TRERF1: variants seen among roughly 807,000 people sequenced by gnomAD.
TRERF1 encodes the protein transcriptional regulating factor 1.
A neutral mutation model predicts 122.9 loss-of-function variants in TRERF1; 27 were observed. That is an observed-to-expected ratio of 0.22 (90% CI 0.16 to 0.30). The LOEUF (loss-of-function observed/expected upper bound fraction) is 0.30. Ranked by LOEUF, TRERF1 falls within the 10% of genes least tolerant of loss-of-function variation. The pLI is 1.00. For missense variants in TRERF1, 1,248 were observed against 1,560.3 expected (o/e 0.80, Z 3.37); for synonymous variants, 636 against 641.7 (o/e 0.99, Z 0.13).
At chr6:42,438,150 G>A (rs1300084833) in intron 2 of TRERF1, among the ~76,000 whole-genome samples, 5 of 151,448 alleles carry the variant, frequency 3.3e-5, no homozygotes, top group African/African-American at 1.2e-4. Flanking sequence ...TCGAACTCCT[G>A]ACCTCAAGTG....
intron 4 of TRERF1, among the ~76,000 whole-genome samples, chr6:42,286,123 C>T (rs959065810): frequency 6.7e-6 from 1 of 149,110 alleles, no homozygotes; most frequent in African/African-American, 2.5e-5. Context: ...TTCCTTACAC[C>T]TTATACAAAA....
intron 4 of TRERF1, among the ~76,000 whole-genome samples, chr6:42,277,410 T>C (rs1318739531): frequency 6.6e-6 from 1 of 152,170 alleles, no homozygotes; most frequent in Non-Finnish European, 1.5e-5. Context: ...CCTTGTGACA[T>C]TCTTTGGGGT....
chr6:42,243,436 T>A, intron 14 of TRERF1, 75 bp from the exon 15 acceptor site: 1 of 1,028,674 alleles, frequency 9.7e-7, no homozygotes, highest in Non-Finnish European at 1.5e-6. Context: ...TTTGAATATT[T>A]AATTTTGTAA....
intron 2 of TRERF1, among the ~76,000 whole-genome samples, chr6:42,364,554 G>A (rs982312189): frequency 6.6e-6 from 1 of 152,230 alleles, no homozygotes; most frequent in Non-Finnish European, 1.5e-5. Context: ...AGAGAAAAGA[G>A]AGTTGCAAGA....
At chr6:42,435,174 C>A (rs1437818208) in intron 2 of TRERF1, among the ~76,000 whole-genome samples, 1 of 150,910 alleles carries the variant, frequency 6.6e-6, no homozygotes, top group Non-Finnish European at 1.5e-5. Context: ...CAAACACACA[C>A]AAAAAAAATG....
At chr6:42,290,473 A>C (rs1784106597) in intron 4 of TRERF1, among the ~76,000 whole-genome samples, 1 of 151,982 alleles carries the variant, frequency 6.6e-6, no homozygotes, top group Non-Finnish European at 1.5e-5. Context: ...AATCACTCTA[A>C]ATCATCCAAG....
intron 2 of TRERF1, among the ~76,000 whole-genome samples, chr6:42,372,434 G>C (rs1388712266): frequency 1.3e-5 from 2 of 152,106 alleles, no homozygotes; most frequent in Non-Finnish European, 2.9e-5. Flanking sequence ...CCTCAGAGTG[G>C]CAATGGCTTC....
exon 14 of TRERF1, chr6:42,246,535 T>C (rs1323184179): frequency 6.2e-7 from 1 of 1,602,150 alleles, no homozygotes; most frequent in Non-Finnish European, 8.5e-7. Context: ...GGAGGTCCAC[T>C]TGTCCGAACC....
At chr6:42,391,214 A>C (rs1265281770) in intron 2 of TRERF1, among the ~76,000 whole-genome samples, 3 of 152,126 alleles carry the variant, frequency 2.0e-5, no homozygotes, top group Non-Finnish European at 4.4e-5. Context: ...GGTGCTCAAT[A>C]AATGTTGGCT....
rs769031471 is a variant in TRERF1 at position 42,440,554 on chromosome 6, C to A, written c.-454+10623G>T. Among the ~76,000 whole-genome samples, 87 of 152,166 alleles carry A rather than the reference C, an allele frequency of 5.7e-4. 1 individual carries two copies. The highest frequency in any genetic ancestry group is 1.1e-3 in the Non-Finnish European group (76 of 68,012). On this transcript the variant is annotated intron_variant, in intron 2 of 17. Transcript: ENST00000372922. ...TACTACTACTAAAGCGATCTGGAGC[C>A]CTAATGCTGATACCCCATGGCCTAT...
intron 7 of TRERF1, among the ~76,000 whole-genome samples, chr6:42,264,184 T>G (rs907304652): frequency 2.8e-4 from 42 of 152,358 alleles, no homozygotes; most frequent in African/African-American, 9.6e-4. Context: ...TTAATCTAAC[T>G]CTAAAATTTG....
At chr6:42,398,771 A>G (rs969249091) in intron 2 of TRERF1, among the ~76,000 whole-genome samples, 2 of 152,374 alleles carry the variant, frequency 1.3e-5, no homozygotes, top group African/African-American at 4.8e-5. Context: ...AATCCATTCA[A>G]GATTGTCCTG....
chr6:42,363,456 C>T (rs766015304), intron 2 of TRERF1, among the ~76,000 whole-genome samples: 1 of 152,130 alleles, frequency 6.6e-6, no homozygotes, highest in African/African-American at 2.4e-5. Context: ...TCCAAGCAAG[C>T]AGCATCTCTC....
chr6:42,421,065 G>A (rs1246145514), intron 2 of TRERF1, among the ~76,000 whole-genome samples: 1 of 152,188 alleles, frequency 6.6e-6, no homozygotes, highest in African/African-American at 2.4e-5. Flanking sequence ...CCTCTTACAT[G>A]CTCCATGACC....
chr6:42,252,077 G>GGGCTGGC lies in TRERF1; in HGVS notation c.2656+2773_2656+2774insGCCAGCC, dbSNP rs747798855. ...GTGGGAAGGTGCTGAGAGCAACAGA[G>GGGCTGGC]GGCTGGACTGTGCATCGTGGTGGGG... On this transcript the variant is annotated intron_variant, in intron 13 of 17. Transcript: ENST00000372922. Among the ~76,000 whole-genome samples, 217 of 152,354 alleles carry GGGCTGGC rather than the reference G, an allele frequency of 1.4e-3. 2 individuals carry two copies. Among genetic ancestry groups the GGGCTGGC allele is most frequent in the Non-Finnish European group, 6.0e-4 (41 of 68,036 alleles).
intron 4 of TRERF1, among the ~76,000 whole-genome samples, chr6:42,291,451 T>TAA (rs35745800): frequency 1.5e-3 from 187 of 125,274 alleles, no homozygotes; most frequent in African/African-American, 4.9e-3. Flanking sequence ...CACTTTACAC[T>TAA]AAAAAAAAAA....
intron 3 of TRERF1, among the ~76,000 whole-genome samples, chr6:42,310,088 C>T (rs1787979851): frequency 6.6e-6 from 1 of 151,070 alleles, no homozygotes; most frequent in Non-Finnish European, 1.5e-5. Context: ...CTCAGCTTTT[C>T]AGTTGCACTA....
chr6:42,233,498 G>A (rs1439457225), intron 16 of TRERF1, among the ~76,000 whole-genome samples: 3 of 151,836 alleles, frequency 2.0e-5, no homozygotes, highest in South Asian at 2.1e-4. Flanking sequence ...TGTTAGCCAG[G>A]ATGGTCTCGA....
At chr6:42,262,483 G>C (rs13190927) in intron 8 of TRERF1, among the ~76,000 whole-genome samples, 53 of 6,570 alleles carry the variant, frequency 8.1e-3, no homozygotes, top group African/African-American at 0.028. Context: ...GAGAGAGAGA[G>C]AGAGAGAGAG....
Sources: gnomAD v4.1 joint callset for allele counts (sites outside exome capture counted in the v4.1 genomes callset) on GRCh38, gnomAD v4.1.1 for gene constraint, MANE v1.5 for transcripts, NCBI Gene and HGNC (gene_info 2026-07-23, HGNC 2026-07-21) for gene names.